The following DIAPH2 variants were observed in gnomAD, a reference collection of about 807,000 sequenced individuals.
The protein encoded by DIAPH2 is diaphanous related formin 2.
Under a neutral mutation model 92.7 loss-of-function variants are expected in DIAPH2, and 35 were observed. That is an observed-to-expected ratio of 0.38 (90% CI 0.29 to 0.50). DIAPH2 has a LOEUF of 0.50. Ranked by LOEUF, DIAPH2 falls within the 20% of genes least tolerant of loss-of-function variation. The pLI, the probability that DIAPH2 is intolerant of heterozygous loss-of-function variation, is 0.94. For missense variants in DIAPH2, 701 were observed against 819.5 expected (o/e 0.86, Z 1.77); for synonymous variants, 301 against 280.4 (o/e 1.07, Z -0.73).
chrX:97,097,159 A>G (rs1323141750), intron 19 of DIAPH2, among the ~76,000 whole-genome samples: 1 of 111,611 alleles, frequency 9.0e-6, no homozygotes, highest in Non-Finnish European at 1.9e-5. Flanking sequence ...ACTCCTATCC[A>G]ACCTTATACT....
In DIAPH2 at chrX:97,281,140, T is replaced by G. The variant is rs146674214; in HGVS notation, c.2844+33301T>G. Among the ~76,000 whole-genome samples the G allele has an allele frequency of 7.1e-4, 80 of 112,183 alleles. No homozygotes were observed. The East Asian group carries it at 0.022, about 30-fold the overall frequency. ...CCCTGTAGGATTGTTTTATATTTAA[T>G]AGTGCTATTGAGACTGGCATGGGAC... On this transcript the variant is annotated intron_variant, in intron 23 of 26. Transcript: ENST00000324765.
chrX:97,007,694 C>A (rs1329411964), intron 17 of DIAPH2, among the ~76,000 whole-genome samples: 1 of 106,447 alleles, frequency 9.4e-6, no homozygotes, highest in Non-Finnish European at 1.9e-5. Flanking sequence ...ATATTGGTAT[C>A]TTTCTCTAGG....
intron 24 of DIAPH2, among the ~76,000 whole-genome samples, chrX:97,361,158 T>C (rs1181167258): frequency 3.7e-5 from 4 of 109,497 alleles, no homozygotes; most frequent in Non-Finnish European, 7.6e-5. Flanking sequence ...TCCCAAAGTG[T>C]TGGAATTACA....
intron 17 of DIAPH2, among the ~76,000 whole-genome samples, chrX:97,042,330 C>T (rs1331285539): frequency 9.0e-6 from 1 of 111,409 alleles, no homozygotes; most frequent in Non-Finnish European, 1.9e-5. Flanking sequence ...GAACTATAAT[C>T]CTCTTTCTGT....
chrX:96,968,202 T>A (rs2065905351), intron 17 of DIAPH2, among the ~76,000 whole-genome samples: 1 of 110,511 alleles, frequency 9.0e-6, no homozygotes, highest in Non-Finnish European at 1.9e-5. Context: ...GTATGTCTTT[T>A]TATTTTTATT....
chrX:96,802,361 A>G (rs762044667), intron 4 of DIAPH2, among the ~76,000 whole-genome samples: 8 of 112,410 alleles, frequency 7.1e-5, no homozygotes, highest in Non-Finnish European at 1.5e-4. Context: ...TGCTCTATTA[A>G]AACTTTATTT....
chrX:97,101,225 G>A (rs951423064), intron 20 of DIAPH2, among the ~76,000 whole-genome samples: 2 of 109,994 alleles, frequency 1.8e-5, no homozygotes, highest in Admixed American at 9.8e-5. Flanking sequence ...TTTACAGTAG[G>A]TATACTACAC....
intron 23 of DIAPH2, among the ~76,000 whole-genome samples, chrX:97,282,461 C>T (rs944646158): frequency 2.7e-5 from 3 of 110,805 alleles, no homozygotes; most frequent in Non-Finnish European, 5.7e-5. Context: ...AGGCACCTGC[C>T]ACCACGCCCA....
At chrX:97,253,461 T>C (rs2068207913) in intron 23 of DIAPH2, among the ~76,000 whole-genome samples, 1 of 110,204 alleles carries the variant, frequency 9.1e-6, no homozygotes, top group South Asian at 3.9e-4. Flanking sequence ...AATAATAAAG[T>C]AGTAGGCCGG....
chrX:97,328,399 C>T (rs2068969690), intron 23 of DIAPH2, among the ~76,000 whole-genome samples: 1 of 111,604 alleles, frequency 9.0e-6, no homozygotes, highest in Non-Finnish European at 1.9e-5. Flanking sequence ...TGCACTACTA[C>T]ACTCCAGCCT....
At chrX:97,573,654 T>C (rs775182449) in intron 26 of DIAPH2, among the ~76,000 whole-genome samples, 2 of 107,949 alleles carry the variant, frequency 1.9e-5, no homozygotes, top group Admixed American at 2.0e-4. Flanking sequence ...TGGGGTTTTT[T>C]TGTTTTTTTT....
intron 26 of DIAPH2, among the ~76,000 whole-genome samples, chrX:97,514,090 T>C (rs2147839727): frequency 9.3e-6 from 1 of 107,054 alleles, no homozygotes; most frequent in East Asian, 2.9e-4. Flanking sequence ...TCCTGGATAA[T>C]ATCCTGCAGA....
At chrX:96,849,994 A>G (rs1350170968) in intron 4 of DIAPH2, among the ~76,000 whole-genome samples, 2 of 110,898 alleles carry the variant, frequency 1.8e-5, no homozygotes, top group Non-Finnish European at 3.8e-5. Flanking sequence ...AGGGATTCAT[A>G]TATGACATCT....
At chrX:97,097,906 C>T (rs772683585) in intron 19 of DIAPH2, among the ~76,000 whole-genome samples, 1 of 111,925 alleles carries the variant, frequency 8.9e-6, no homozygotes, top group Non-Finnish European at 1.9e-5. Context: ...GAAAATAATA[C>T]TAATGGAGCA....
chrX:97,473,612 G>T (rs2070581164), intron 26 of DIAPH2, among the ~76,000 whole-genome samples: 1 of 111,907 alleles, frequency 8.9e-6, no homozygotes, highest in Non-Finnish European at 1.9e-5. Context: ...TGGCATTATA[G>T]GTGTGAGCCA....
intron 19 of DIAPH2, 124 bp downstream of exon 19, chrX:97,075,385 T>TA: frequency 2.7e-6 from 1 of 371,294 alleles, no homozygotes; most frequent in East Asian, 5.4e-5. Flanking sequence ...TTGAATAGTT[T>TA]AATAAAATCA....
intron 7 of DIAPH2, among the ~76,000 whole-genome samples, 173 bp downstream of exon 7, chrX:96,912,725 A>G (rs2147780051): frequency 9.0e-6 from 1 of 110,634 alleles, no homozygotes; most frequent in South Asian, 3.9e-4. Context: ...CATCAACCTA[A>G]ATAATAAACC....
intron 26 of DIAPH2, among the ~76,000 whole-genome samples, chrX:97,554,103 G>A (rs1422202112): frequency 7.2e-5 from 8 of 111,607 alleles, no homozygotes; most frequent in Non-Finnish European, 1.5e-4. Context: ...ACAACAGTGT[G>A]TGTAGTTGAA....
At chrX:97,271,103 G>C (rs758740867) in intron 23 of DIAPH2, among the ~76,000 whole-genome samples, 4 of 110,836 alleles carry the variant, frequency 3.6e-5, no homozygotes, top group Non-Finnish European at 7.5e-5. Flanking sequence ...TTAAATCAGG[G>C]TTTAAATAAG....
Sources: allele counts gnomAD v4.1 joint callset (sites outside exome capture counted in the v4.1 genomes callset), GRCh38; gene constraint gnomAD v4.1.1; transcripts MANE v1.5; gene names NCBI Gene and HGNC (gene_info 2026-07-23, HGNC 2026-07-21).